The following SMARCA4 variants were observed in gnomAD, a reference collection of about 807,000 sequenced individuals.
SMARCA4 encodes the protein SWI/SNF related BAF chromatin remodeling complex subunit ATPase 4, also known as SWI/SNF-related matrix-associated actin-dependent regulator of chromatin subfamily A member 4.
Under a neutral mutation model 193.9 loss-of-function variants are expected in SMARCA4, and 31 were observed. The observed-to-expected ratio is 0.16, with a 90% CI of 0.12 to 0.22. The LOEUF (loss-of-function observed/expected upper bound fraction) is 0.22. SMARCA4 is among the 10% of genes least tolerant of loss of function. The pLI, the probability that SMARCA4 is intolerant of heterozygous loss-of-function variation, is 1.00. For synonymous variants in SMARCA4, 942 were observed against 933.1 expected (o/e 1.01, Z -0.17); for missense variants, 1,148 against 2,296.0 (o/e 0.50, Z 10.22).
intron 34 of SMARCA4, among the ~76,000 whole-genome samples, chr19:11,061,465 C>T (rs1167199516): frequency 6.6e-6 from 1 of 151,890 alleles, no homozygotes; most frequent in Non-Finnish European, 1.5e-5. Context: ...AAGCTCCACC[C>T]CCCGGGATCG....
At chr19:11,021,232 C>T (rs368880003) in intron 18 of SMARCA4, 8 of 262,934 alleles carry the variant, frequency 3.0e-5, no homozygotes, top group East Asian at 2.9e-4. Context: ...CGCCCCCTCC[C>T]GACCCGCATG....
At chr19:11,037,649 G>A (rs1374774805) in intron 29 of SMARCA4, among the ~76,000 whole-genome samples, 3 of 152,110 alleles carry the variant, frequency 2.0e-5, no homozygotes, top group Non-Finnish European at 2.9e-5. Context: ...ACTTACAGTC[G>A]ATTTTTCTTT....
At chr19:11,053,892 C>A (rs8108935) in intron 30 of SMARCA4, among the ~76,000 whole-genome samples, 41,919 of 152,030 alleles carry the variant, frequency 0.28, 5,943 homozygotes, top group South Asian at 0.31. Context: ...GCCTGGGCAA[C>A]AGAACAAGAT....
chr19:11,061,207 ATATATATAT>A lies in SMARCA4; in HGVS notation c.4912-576_4912-568del, dbSNP rs1568568970. Among the ~76,000 whole-genome samples, 118 of 37,898 alleles carry A rather than the reference ATATATATAT, an allele frequency of 3.1e-3. 2 individuals are homozygous for A. Among genetic ancestry groups the A allele is most frequent in the Admixed American group, 3.1e-3 (9 of 2,898 alleles). 24.9% of individuals were successfully genotyped at this position (37,898 alleles called of 152,430 possible). Reference sequence around the variant, plus strand: ...TGTCTTTAAAAAAAAAAAAAAAAATATATATATATATATATATATATATATATATATATA... The same window carrying A: ...TGTCTTTAAAAAAAAAAAAAAAAATAATATATATATATATATATATATATA... On this transcript the variant is annotated intron_variant, in intron 34 of 34. Coordinates refer to ENST00000344626, the MANE Select transcript of SMARCA4 (RefSeq NM_003072.5).
chr19:11,018,544 T>A lies in SMARCA4; in HGVS notation c.2439-413T>A, dbSNP rs150713129. ...CGTGGCTGGAGGGTGGCAGAAAGACTGTTTGGTGTCTCCTATATCCTCAGG... is the reference window on the plus strand; with the variant it reads ...CGTGGCTGGAGGGTGGCAGAAAGACAGTTTGGTGTCTCCTATATCCTCAGG... On this transcript the variant is annotated intron_variant, in intron 16 of 34. Transcript: ENST00000344626. Among the ~76,000 whole-genome samples the A allele has an allele frequency of 7.0e-4, 107 of 152,272 alleles. 2 individuals carry two copies. Among genetic ancestry groups the A allele is most frequent in the African/African-American group, 2.4e-3 (98 of 41,556 alleles).
At chr19:11,052,729 A>G (rs2076330153) in intron 30 of SMARCA4, among the ~76,000 whole-genome samples, 1 of 152,176 alleles carries the variant, frequency 6.6e-6, no homozygotes, top group Non-Finnish European at 1.5e-5. Flanking sequence ...ACGCCCCTCA[A>G]GCTGCCCTCC....
chr19:11,047,821 G>A (rs2146931988), intron 30 of SMARCA4: 1 of 152,226 alleles, frequency 6.6e-6, no homozygotes, highest in South Asian at 2.1e-4. Context: ...ATAGCCCAAA[G>A]CCCCAACCTA....
chr19:10,980,074 C>G (rs2085441955), intron 1 of SMARCA4, among the ~76,000 whole-genome samples: 1 of 152,190 alleles, frequency 6.6e-6, no homozygotes, highest in African/African-American at 2.4e-5. Context: ...CACCAGCAAC[C>G]TCATCACAGG....
In SMARCA4 at chr19:10,986,874, T is replaced by G. The variant is rs775952942; in HGVS notation, c.761-31T>G. Reference sequence around the variant, plus strand: ...GCGCAGGCATAAACCTGGGACGCACTGTTTTCTCTTTTGTTTCTCCCTACA... The same window carrying G: ...GCGCAGGCATAAACCTGGGACGCACGGTTTTCTCTTTTGTTTCTCCCTACA... On this transcript the variant is annotated intron_variant, in intron 4 of 34. Coordinates refer to ENST00000344626, the MANE Select transcript of SMARCA4 (RefSeq NM_003072.5). The surrounding 1 kb of genome is among the most constrained non-coding windows in gnomAD (Gnocchi z 6.7). 7.0e-6 allele frequency: 11 copies of G among 1,566,196 alleles called. No individual in the cohort carries two copies. Among genetic ancestry groups the G allele is most frequent in the Non-Finnish European group, 8.8e-7 (1 of 1,137,064 alleles).
In SMARCA4 at chr19:11,034,106, A is replaced by G; in HGVS notation, c.3874-17A>G. The G allele has an allele frequency of 6.2e-7, 1 of 1,607,432 alleles. No homozygotes were observed. Among genetic ancestry groups the G allele is most frequent in the Non-Finnish European group, 8.5e-7 (1 of 1,174,606 alleles). On this transcript the variant is annotated splice_polypyrimidine_tract_variant and intron_variant, in intron 27 of 34. Coordinates refer to ENST00000344626, the MANE Select transcript of SMARCA4 (RefSeq NM_003072.5). This position sits in a 1 kb window ranked among gnomAD's most constrained non-coding sequence, Gnocchi z 7.0. ...CCGGCCCCTCCTCAGCGGCACTGAC[A>G]GTTTGCAATCTTATAGGAGGAAGAC... is the stretch of plus-strand genomic sequence containing the variant.
At chr19:10,997,287 C>T (rs960604513) in intron 11 of SMARCA4, among the ~76,000 whole-genome samples, 6 of 152,166 alleles carry the variant, frequency 3.9e-5, no homozygotes, top group African/African-American at 1.4e-4. Flanking sequence ...CAAGCTCCGC[C>T]TCCTGGGTTC....
chr19:10,994,564 C>G (rs1019993919), intron 8 of SMARCA4, among the ~76,000 whole-genome samples: 2 of 151,678 alleles, frequency 1.3e-5, no homozygotes, highest in Admixed American at 6.6e-5. Flanking sequence ...ATGATCCGCC[C>G]GCCTCAGCCT....
chr19:11,046,222 CAAAA>C (rs574819439), intron 30 of SMARCA4, among the ~76,000 whole-genome samples: 3 of 83,594 alleles, frequency 3.6e-5, no homozygotes, highest in Non-Finnish European at 5.1e-5. Context: ...GACTCCGTCT[CAAAA>C]AAAAAAAAAA....
chr19:11,015,612 GT>G (rs1200760586), intron 16 of SMARCA4, among the ~76,000 whole-genome samples: 17 of 152,264 alleles, frequency 1.1e-4, no homozygotes, highest in Admixed American at 8.5e-4. Flanking sequence ...TTCGACACTT[GT>G]GAATATCTCA....
At position 11,031,109 on chromosome 19, in the gene SMARCA4, T is replaced by A; in HGVS notation, c.3546+216T>A. 1.7e-6 allele frequency: 1 copy of A among 605,946 alleles called. No individual in the cohort carries two copies. Among genetic ancestry groups the A allele is most frequent in the Non-Finnish European group, 3.0e-6 (1 of 335,900 alleles). The allele number at this position is 605,946 out of a possible 1,614,324, so 37.5% of individuals were successfully genotyped here. On this transcript the variant is annotated intron_variant, in intron 25 of 34. Coordinates refer to ENST00000344626, the MANE Select transcript of SMARCA4 (RefSeq NM_003072.5). This position sits in a 1 kb window ranked among gnomAD's most constrained non-coding sequence, Gnocchi z 4.3. ...AATACAAACAGCCTTTCCCTCTGATTGGGAAAGCAGTGTATAAGCCATCCG... is the reference window on the plus strand; with the variant it reads ...AATACAAACAGCCTTTCCCTCTGATAGGGAAAGCAGTGTATAAGCCATCCG...
chr19:11,029,189 C>T (rs546046066), intron 24 of SMARCA4, among the ~76,000 whole-genome samples: 33 of 152,310 alleles, frequency 2.2e-4, no homozygotes, highest in African/African-American at 7.5e-4. Flanking sequence ...TCCTCATGGC[C>T]GGGCCACCCC....
chr19:10,986,120 G>T lies in SMARCA4; in HGVS notation c.356-69G>T, dbSNP rs2145767124. On this transcript the variant is annotated intron_variant, in intron 3 of 34. Transcript: ENST00000344626. The surrounding 1 kb of genome is among the most constrained non-coding windows in gnomAD (Gnocchi z 6.7). Reference sequence around the variant, plus strand: ...CTGTCTCAGAGTAGGAGCTGGTGTAGGGGGAAGAGGCTGTAAAAATCACAG... The same window carrying T: ...CTGTCTCAGAGTAGGAGCTGGTGTATGGGGAAGAGGCTGTAAAAATCACAG... The T allele has an allele frequency of 7.6e-7, 1 of 1,314,580 alleles. No homozygotes were observed. Among genetic ancestry groups the T allele is most frequent in the Non-Finnish European group, 1.1e-6 (1 of 909,974 alleles). The allele number at this position is 1,314,580 out of a possible 1,614,324, so 81.4% of individuals were successfully genotyped here. A position where few individuals can be genotyped will look rare whatever the true frequency, so the allele number is the denominator to read the frequency against.
chr19:10,984,349 G>A lies in SMARCA4; in HGVS notation c.198G>A (p.Gln66=), dbSNP rs2145726267. The A allele has an allele frequency of 6.3e-7, 1 of 1,594,560 alleles. No homozygotes were observed. The highest frequency in any genetic ancestry group is 8.5e-7 in the Non-Finnish European group (1 of 1,170,596). ...IPTQGPGGYP[Q]DNMHQMHKPM... is the part of the protein sequence containing the mutation. Reference sequence around the variant, plus strand: ...CCCAGGGGCCTGGAGGGTACCCTCAGGACAACATGCACCAGATGCACAAGG... The same window carrying A: ...CCCAGGGGCCTGGAGGGTACCCTCAAGACAACATGCACCAGATGCACAAGG... The change falls in exon 2 of 35, where the codon CAG becomes CAA. Residue 66 remains glutamine, a synonymous_variant. Transcript: ENST00000344626. This position sits in a 1 kb window ranked among gnomAD's most constrained non-coding sequence, Gnocchi z 4.3.
At chr19:11,026,222 G>C (rs1600319244) in intron 22 of SMARCA4, 78 bp from the exon 23 acceptor site, 1 of 1,133,294 alleles carries the variant, frequency 8.8e-7, no homozygotes, top group Non-Finnish European at 1.3e-6. Flanking sequence ...CTCTGAGCAC[G>C]AGCGGTGTGT....
Sources: gnomAD v4.1 joint callset for allele counts (sites outside exome capture counted in the v4.1 genomes callset) on GRCh38, gnomAD v4.1.1 for gene constraint, Gnocchi (gnomAD v3.1) non-coding constraint, MANE v1.5 for transcripts, NCBI Gene and HGNC (gene_info 2026-07-23, HGNC 2026-07-21) for gene names.